PPP2R5A: variants seen among roughly 807,000 people sequenced by gnomAD.
PPP2R5A encodes serine/threonine-protein phosphatase 2A 56 kDa regulatory subunit alpha isoform.
Under a neutral mutation model 64.2 loss-of-function variants are expected in PPP2R5A, and 25 were observed. The ratio of observed to expected loss-of-function variants is 0.39; its 90% CI spans 0.28 to 0.54. PPP2R5A has a LOEUF of 0.54. PPP2R5A is among the 20% of genes least tolerant of loss of function. The pLI, the probability that PPP2R5A is intolerant of heterozygous loss-of-function variation, is 0.67. For missense variants in PPP2R5A, 425 were observed against 576.3 expected (o/e 0.74, Z 2.69); for synonymous variants, 198 against 201.2 (o/e 0.98, Z 0.13).
At chr1:212,329,077 A>G in intron 1 of PPP2R5A, 58 bp from the exon 2 acceptor site, 2 of 1,225,758 alleles carry the variant, frequency 1.6e-6, no homozygotes, top group Admixed American at 3.2e-5. Context: ...ATTAATAAAT[A>G]TATAAAAGTA....
At chr1:212,320,810 G>T (rs1659265831) in intron 1 of PPP2R5A, among the ~76,000 whole-genome samples, 1 of 140,064 alleles carries the variant, frequency 7.1e-6, no homozygotes, top group Non-Finnish European at 1.6e-5. Flanking sequence ...CCGGGCGGGG[G>T]GCTGACCCCC....
At chr1:212,301,104 TG>T (rs1349481330) in intron 1 of PPP2R5A, among the ~76,000 whole-genome samples, 1 of 152,164 alleles carries the variant, frequency 6.6e-6, no homozygotes, top group Non-Finnish European at 1.5e-5. Flanking sequence ...TTCTGCCTCC[TG>T]GTTCAAGCAA....
Position 212,329,141 on chromosome 1 carries a change from C to A in PPP2R5A, c.188C>A (p.Thr63Asn). 6.7e-7 allele frequency: 1 copy of A among 1,501,932 alleles called. No homozygotes were observed. Among genetic ancestry groups the A allele is most frequent in the East Asian group, 2.4e-5 (1 of 41,766 alleles). 93.0% of individuals were successfully genotyped at this position (1,501,932 alleles called of 1,614,324 possible). ...LHPLPQLKDATSNEQQELFCQ... is the reference protein window; with the variant it reads ...LHPLPQLKDANSNEQQELFCQ... The stretch of plus-strand genomic sequence containing the variant: ...TCTTTATTTTTATTTATAGATGCCA[C>A]TTCAAATGAACAACAAGAGCTTTTC... The change falls in exon 2 of 13, where the codon ACT (threonine) becomes AAT (asparagine). Residue 63 changes from threonine (T) to asparagine (N), a missense_variant. Coordinates refer to ENST00000261461, the MANE Select transcript of PPP2R5A (RefSeq NM_006243.4).
At chr1:212,342,422 AAAGTG>A (rs1487462861) in intron 4 of PPP2R5A, 142 bp downstream of exon 4, 23 of 1,155,498 alleles carry the variant, frequency 2.0e-5, no homozygotes, top group Non-Finnish European at 2.5e-5. Flanking sequence ...CATTAGAATA[AAAGTG>A]AAGTTAGCTC....
intron 1 of PPP2R5A, among the ~76,000 whole-genome samples, chr1:212,287,920 T>G (rs951947294): frequency 6.6e-6 from 1 of 152,206 alleles, no homozygotes; most frequent in Non-Finnish European, 1.5e-5. Context: ...AGTTTCTTAG[T>G]ATTGTACTTC....
intron 4 of PPP2R5A, among the ~76,000 whole-genome samples, chr1:212,343,179 C>G (rs1659715709): frequency 6.6e-6 from 1 of 152,164 alleles, no homozygotes; most frequent in Admixed American, 6.5e-5. Context: ...TCTTGAACTC[C>G]TGGCCTCAAG....
intron 8 of PPP2R5A, among the ~76,000 whole-genome samples, chr1:212,355,110 A>T (rs1410089957): frequency 2.0e-5 from 3 of 152,196 alleles, no homozygotes; most frequent in Admixed American, 1.3e-4. Context: ...ATATGTCTTA[A>T]GTATTTCTTG....
intron 1 of PPP2R5A, among the ~76,000 whole-genome samples, chr1:212,316,174 G>T (rs1277424792): frequency 6.6e-6 from 1 of 152,184 alleles, no homozygotes; most frequent in Non-Finnish European, 1.5e-5. Flanking sequence ...TCAGAAGCTA[G>T]AAATGATTAA....
intron 2 of PPP2R5A, chr1:212,331,480 TA>T: frequency 6.6e-6 from 1 of 152,032 alleles, no homozygotes; most frequent in East Asian, 1.9e-4. Flanking sequence ...CAAAAAAATT[TA>T]AAGATTAGCT....
chr1:212,334,782 T>G (rs1659562753), intron 3 of PPP2R5A, among the ~76,000 whole-genome samples: 1 of 152,206 alleles, frequency 6.6e-6, no homozygotes, highest in Non-Finnish European at 1.5e-5. Context: ...TCATCATGTA[T>G]GTGAAAAGTC....
intron 12 of PPP2R5A, among the ~76,000 whole-genome samples, chr1:212,359,740 C>G (rs72754308): frequency 0.032 from 4,825 of 152,206 alleles, 93 homozygotes; most frequent in Non-Finnish European, 0.036. Flanking sequence ...AGCCATCCAG[C>G]CCATTAATAA....
intron 1 of PPP2R5A, among the ~76,000 whole-genome samples, chr1:212,319,949 T>G (rs1300714441): frequency 7.3e-5 from 1 of 13,790 alleles, no homozygotes; most frequent in East Asian, 1.4e-3. Context: ...TACAGATTGT[T>G]TTTTTTTTTT....
intron 8 of PPP2R5A, among the ~76,000 whole-genome samples, chr1:212,351,794 A>G (rs1193127165): frequency 6.6e-6 from 1 of 152,134 alleles, no homozygotes; most frequent in Non-Finnish European, 1.5e-5. Flanking sequence ...TTCCATGTAA[A>G]GAGGAAAAAA....
intron 6 of PPP2R5A, 32 bp downstream of exon 6, chr1:212,347,438 TTAAG>T (rs752063691): frequency 2.3e-5 from 34 of 1,467,810 alleles, no homozygotes; most frequent in Admixed American, 2.0e-4. Context: ...TTTTTAAGAA[TTAAG>T]TAAGTGAATG....
At chr1:212,292,598 G>A (rs1262973012) in intron 1 of PPP2R5A, among the ~76,000 whole-genome samples, 1 of 151,986 alleles carries the variant, frequency 6.6e-6, no homozygotes, top group East Asian at 1.9e-4. Flanking sequence ...TTTGAGACAG[G>A]GTCTTGCTCT....
chr1:212,352,878 AG>A (rs1323934481), intron 8 of PPP2R5A: 1 of 519,154 alleles, frequency 1.9e-6, no homozygotes, highest in African/African-American at 1.9e-5. Context: ...AGAAGCCAAG[AG>A]TGACAGTTTT....
intron 1 of PPP2R5A, among the ~76,000 whole-genome samples, chr1:212,293,262 T>C (rs11119904): frequency 0.3 from 45,293 of 152,146 alleles, 7,320 homozygotes; most frequent in Non-Finnish European, 0.37. Context: ...ATGAAAGTTA[T>C]TGTATAAGAT....
At chr1:212,326,820 C>T (rs1659415195) in intron 1 of PPP2R5A, among the ~76,000 whole-genome samples, 1 of 152,208 alleles carries the variant, frequency 6.6e-6, no homozygotes, top group Non-Finnish European at 1.5e-5. Flanking sequence ...TGAACTGCAG[C>T]AAATTCAAGT....
At chr1:212,346,987 A>T (rs1045595641) in intron 5 of PPP2R5A, among the ~76,000 whole-genome samples, 1 of 152,198 alleles carries the variant, frequency 6.6e-6, no homozygotes, top group East Asian at 1.9e-4. Context: ...TTTATTACAT[A>T]TGGGTCTTTT....
Sources: gnomAD v4.1 joint callset for allele counts (sites outside exome capture counted in the v4.1 genomes callset) on GRCh38, gnomAD v4.1.1 for gene constraint, MANE v1.5 for transcripts, NCBI Gene and HGNC (gene_info 2026-07-23, HGNC 2026-07-21) for gene names.